Variants in COL5A1 observed in about 807,000 individuals in gnomAD.
COL5A1 encodes the protein collagen alpha-1(V) chain.
A neutral mutation model predicts 263.7 loss-of-function variants in COL5A1; 16 were observed. The ratio of observed to expected loss-of-function variants is 0.06; its 90% CI spans 0.04 to 0.09. COL5A1 has a LOEUF of 0.09. Among genes scored for constraint, COL5A1 ranks in the 10% least tolerant of loss-of-function variants. COL5A1 has a pLI of 1.00. For missense variants in COL5A1, 2,036 were observed against 2,540.5 expected, an observed-to-expected ratio of 0.80 and a Z score of 4.27; for synonymous variants, 1,012 against 1,004.5, an observed-to-expected ratio of 1.01 and a Z score of -0.14.
intron 2 of COL5A1, among the ~76,000 whole-genome samples, chr9:134,698,476 C>T (rs891639318): frequency 1.3e-5 from 2 of 152,198 alleles, no homozygotes; most frequent in Admixed American, 1.3e-4. Context: ...AGTAGTGGCC[C>T]CTCATTTTGC....
intron 26 of COL5A1, among the ~76,000 whole-genome samples, chr9:134,773,069 C>CTGCCCATGACCAGATCGGG (rs1554797331): frequency 1.3e-5 from 2 of 151,148 alleles, no homozygotes; most frequent in East Asian, 2.0e-4. Flanking sequence ...CCTCCAGTTG[C>CTGCCCATGACCAGATCGGG]TGCCCATGAC....
In COL5A1 at chr9:134,678,575, G is replaced by T. The variant is rs1832746347; in HGVS notation, c.110-12337G>T. 6.6e-6 allele frequency among the ~76,000 whole-genome samples: 1 copy of T among 152,218 alleles called. No homozygotes were observed. Among genetic ancestry groups the T allele is most frequent in the African/African-American group, 2.4e-5 (1 of 41,448 alleles). The stretch of plus-strand genomic sequence containing the variant: ...TCTCACCACCTGCTGCTCCTCCATG[G>T]TCTCTTCAGAGCCTGTTTTTATCCT... On this transcript the variant is annotated intron_variant, in intron 1 of 65. Coordinates refer to ENST00000371817, the MANE Select transcript of COL5A1 (RefSeq NM_000093.5). The surrounding 1 kb of genome is among the most constrained non-coding windows in gnomAD (Gnocchi z 5.5).
At position 134,700,009 on chromosome 9, in the gene COL5A1, G is replaced by A; in HGVS notation, c.378G>A (p.Gln126=). The A allele has an allele frequency of 6.2e-7, 1 of 1,613,804 alleles. No individual in the cohort carries two copies. The highest frequency in any genetic ancestry group is 8.5e-7 in the Non-Finnish European group (1 of 1,180,048). Residue 126 remains glutamine, a synonymous_variant, in exon 3 of 66, where the codon CAG becomes CAA. Transcript: ENST00000371817. The surrounding 1 kb of genome is among the most constrained non-coding windows in gnomAD (Gnocchi z 4.0). ...CCATCTACAACGAGCAGGGTATCCA[G>A]CAGATTGGGCTGGAGCTGGGCCGCT... The part of the protein sequence containing the change: ...LVSIYNEQGI[Q]QIGLELGRSP...
chr9:134,665,916 C>T lies in COL5A1; in HGVS notation c.109+23620C>T, dbSNP rs186872559. Among the ~76,000 whole-genome samples the T allele has an allele frequency of 3.9e-4, 60 of 152,208 alleles. 1 individual carries two copies. The highest frequency in any genetic ancestry group is 3.4e-3 in the Middle Eastern group (1 of 294). ...CAGCCTGACCAATATAGTGAAACCC[C>T]GTCTCTACTAAAAATACAAAAACTA... On this transcript the variant is annotated intron_variant, in intron 1 of 65. Transcript: ENST00000371817.
At position 134,642,364 on chromosome 9, in the gene COL5A1, C is replaced by T. The variant is rs946967355; in HGVS notation, c.109+68C>T. 1.7e-5 allele frequency: 6 copies of T among 350,782 alleles called. No homozygotes were observed. Among genetic ancestry groups the T allele is most frequent in the African/African-American group, 1.1e-4 (5 of 45,884 alleles). 21.7% of individuals were successfully genotyped at this position (350,782 alleles called of 1,614,324 possible). A position where few individuals can be genotyped will look rare whatever the true frequency, so the allele number is the denominator to read the frequency against. The stretch of plus-strand genomic sequence containing the variant: ...GCAGCCCGGGCGCCGCTGTCATCCC[C>T]GGGCGCCTTCGCCCGCAGAACTTTT... On this transcript the variant is annotated intron_variant, in intron 1 of 65. Transcript: ENST00000371817. The surrounding 1 kb of genome is among the most constrained non-coding windows in gnomAD (Gnocchi z 4.5).
At position 134,682,232 on chromosome 9, in the gene COL5A1, C is replaced by G. The variant is rs1832881770; in HGVS notation, c.110-8680C>G. 6.6e-6 allele frequency among the ~76,000 whole-genome samples: 1 copy of G among 152,224 alleles called. No homozygotes were observed. The highest frequency in any genetic ancestry group is 2.4e-5 in the African/African-American group (1 of 41,468). ...CTGGGTGTCCCCAGAGCCGACAGCA[C>G]TATTCGGCTGGGTGCCAGGGACCCA... On this transcript the variant is annotated intron_variant, in intron 1 of 65. Transcript: ENST00000371817. This position sits in a 1 kb window ranked among gnomAD's most constrained non-coding sequence, Gnocchi z 5.1.
intron 11 of COL5A1, among the ~76,000 whole-genome samples, chr9:134,746,991 G>A (rs1835539114): frequency 1.3e-5 from 2 of 152,160 alleles, no homozygotes; most frequent in Non-Finnish European, 2.9e-5. Context: ...TCAGCCCAGG[G>A]GTCAAAGTCT....
At chr9:134,824,958 C>T in intron 62 of COL5A1, 103 bp downstream of exon 62, 5 of 1,440,322 alleles carry the variant, frequency 3.5e-6, no homozygotes, top group Admixed American at 2.3e-5. Flanking sequence ...GCGGAAGGGA[C>T]AGGACGGGCA....
intron 27 of COL5A1, among the ~76,000 whole-genome samples, chr9:134,775,185 C>G (rs1837007652): frequency 6.6e-6 from 1 of 152,220 alleles, no homozygotes; most frequent in Non-Finnish European, 1.5e-5. Context: ...CGCTGGCGGC[C>G]ATCTGTCAGG....
chr9:134,761,773 T>G, intron 18 of COL5A1, 152 bp from the exon 19 acceptor site: 1 of 810,378 alleles, frequency 1.2e-6, no homozygotes, highest in Non-Finnish European at 2.2e-6. Context: ...GAGGCACACG[T>G]GATCTTCTAA....
chr9:134,722,032 CG>C (rs1232275261), intron 4 of COL5A1, among the ~76,000 whole-genome samples: 2 of 152,254 alleles, frequency 1.3e-5, no homozygotes, highest in African/African-American at 4.8e-5. Flanking sequence ...TCCTTCTCCA[CG>C]GGGGTGGTGT....
intron 1 of COL5A1, among the ~76,000 whole-genome samples, chr9:134,662,346 T>G (rs556270950): frequency 6.6e-6 from 1 of 152,226 alleles, no homozygotes; most frequent in Non-Finnish European, 1.5e-5. Context: ...CGCACATTCT[T>G]CTCTGACAAC....
In COL5A1 at chr9:134,755,724, C is replaced by T. The variant is rs1835942951; in HGVS notation, c.1828-1041C>T. The stretch of plus-strand genomic sequence containing the variant: ...GGCTCCCAATGGGCCCCTCCATTTG[C>T]CCAACAGGGCGATGTCTTTTTGGGG... On this transcript the variant is annotated intron_variant, in intron 16 of 65. Coordinates refer to ENST00000371817, the MANE Select transcript of COL5A1 (RefSeq NM_000093.5). The surrounding 1 kb of genome is among the most constrained non-coding windows in gnomAD (Gnocchi z 4.1). 6.6e-6 allele frequency among the ~76,000 whole-genome samples: 1 copy of T among 152,244 alleles called. No homozygotes were observed. Among genetic ancestry groups the T allele is most frequent in the Non-Finnish European group, 1.5e-5 (1 of 68,050 alleles).
chr9:134,760,070 A>G (rs1836263763), intron 18 of COL5A1, among the ~76,000 whole-genome samples: 1 of 118,386 alleles, frequency 8.4e-6, no homozygotes, highest in Non-Finnish European at 1.7e-5. Flanking sequence ...CCACACTCAT[A>G]CATGCACACA....
At chr9:134,717,753 T>C (rs1223683105) in intron 4 of COL5A1, among the ~76,000 whole-genome samples, 2 of 152,242 alleles carry the variant, frequency 1.3e-5, no homozygotes, top group Non-Finnish European at 2.9e-5. Flanking sequence ...TGTGTCTCTC[T>C]GTTTACCAGC....
chr9:134,739,824 C>T (rs768828754), intron 11 of COL5A1, among the ~76,000 whole-genome samples: 11 of 152,154 alleles, frequency 7.2e-5, no homozygotes, highest in East Asian at 1.9e-4. Context: ...CAGGGGCAGG[C>T]GGCGGCAGCC....
At position 134,654,846 on chromosome 9, in the gene COL5A1, G is replaced by C. The variant is rs190551586; in HGVS notation, c.109+12550G>C. Among the ~76,000 whole-genome samples the C allele has an allele frequency of 4.5e-3, 613 of 135,048 alleles. 10 individuals are homozygous for C. Among genetic ancestry groups the C allele is most frequent in the African/African-American group, 0.017 (591 of 35,294 alleles). The allele number at this position is 135,048 out of a possible 152,430, so 88.6% of individuals were successfully genotyped here. ...GTAGTGCTGGTGGTGTGTGGGGCTC[G>C]TGTGTGTAGGGCTGGAAGTGTCTAG... On this transcript the variant is annotated intron_variant, in intron 1 of 65. Coordinates refer to ENST00000371817, the MANE Select transcript of COL5A1 (RefSeq NM_000093.5).
In COL5A1 at chr9:134,758,979, GAAAGCCTAC is replaced by G. The variant is rs1836100182; in HGVS notation, c.1935+686_1935+694del. Among the ~76,000 whole-genome samples, 1 of 152,136 alleles carries G rather than the reference GAAAGCCTAC, an allele frequency of 6.6e-6. No homozygotes were observed. Among genetic ancestry groups the G allele is most frequent in the Admixed American group, 6.5e-5 (1 of 15,274 alleles). ...GTCTTCTTTCAATAACAACGTGATA[GAAAGCCTAC>G]AATCTCCTGCCCTGTTGAGGAGGTG... On this transcript the variant is annotated intron_variant, in intron 18 of 65. Transcript: ENST00000371817. This position sits in a 1 kb window ranked among gnomAD's most constrained non-coding sequence, Gnocchi z 4.1.
Position 134,761,950 on chromosome 9 carries a change from C to G in COL5A1, c.1961C>G (p.Pro654Arg), listed in dbSNP as rs1564442362. 1 of 1,613,456 alleles carries G rather than the reference C, an allele frequency of 6.2e-7. No homozygotes were observed. Among genetic ancestry groups the G allele is most frequent in the East Asian group, 2.2e-5 (1 of 44,894 alleles). The change falls in exon 19 of 66, where the codon CCA becomes CGA. Residue 654 changes from proline to arginine, a missense_variant. Around this residue, in one of 3 missense-constraint regions of COL5A1, gnomAD observed 1,078 missense variants for 1,521.4 expected, o/e 0.71. Coordinates refer to ENST00000371817, the MANE Select transcript of COL5A1 (RefSeq NM_000093.5). Reference sequence around the variant, plus strand: ...GGTGACCCTGGTCCTTCCGGCCCACCAGGACCTCCGGGAGACGATGGAGAA... The same window carrying G: ...GGTGACCCTGGTCCTTCCGGCCCACGAGGACCTCCGGGAGACGATGGAGAA... ...HRGDPGPSGP[P>R]GPPGDDGERG...
Sources: allele counts gnomAD v4.1 joint callset (sites outside exome capture counted in the v4.1 genomes callset), GRCh38; gene constraint gnomAD v4.1.1; regional missense constraint gnomAD v4.1.1; non-coding constraint Gnocchi (gnomAD v3.1); transcripts MANE v1.5; gene names NCBI Gene and HGNC (gene_info 2026-07-23, HGNC 2026-07-21).